GRIK5: variants seen among roughly 807,000 people sequenced by gnomAD.
The protein encoded by GRIK5 is glutamate receptor ionotropic, kainate 5.
Under a neutral mutation model 97.4 loss-of-function variants are expected in GRIK5, and 43 were observed. The observed-to-expected ratio is 0.44, with a 90% CI of 0.35 to 0.57. The LOEUF is 0.57. GRIK5 is among the 20% of genes least tolerant of loss of function. GRIK5 has a pLI of 0.01. For synonymous variants in GRIK5, 580 were observed against 583.5 expected, an observed-to-expected ratio of 0.99 and a Z score of 0.09; for missense variants, 1,015 against 1,382.0, an observed-to-expected ratio of 0.73 and a Z score of 4.21.
chr19:42,012,407 C>T (rs1373528327), intron 15 of GRIK5, among the ~76,000 whole-genome samples: 4 of 152,034 alleles, frequency 2.6e-5, no homozygotes, highest in East Asian at 1.9e-4. Flanking sequence ...CACACTGCCA[C>T]GCCTGGCTAA....
intron 11 of GRIK5, among the ~76,000 whole-genome samples, chr19:42,052,066 C>T (rs1161200348): frequency 6.6e-6 from 1 of 152,138 alleles, no homozygotes; most frequent in African/African-American, 2.4e-5. Flanking sequence ...CATATCTGTG[C>T]TTCTAGAATG....
rs2075709414 is a variant in GRIK5, at chr19:42,022,279, T to A, written c.1549A>T (p.Met517Leu). Residue 517 changes from methionine (M) to leucine (L), a missense_variant, in exon 13 of 20, where the codon ATG (methionine) becomes TTG (leucine). This residue lies in a region of GRIK5 where 477 missense variants were observed against 701.1 expected (regional missense o/e 0.68). Coordinates refer to ENST00000593562, the MANE Select transcript of GRIK5 (RefSeq NM_002088.5). The surrounding 1 kb of genome is among the most constrained non-coding windows in gnomAD (Gnocchi z 4.2). ...TAGAGGATGCTGATCCCCAGGGTCA[T>A]AAAGGGCTTGGAAAAGTCGATGACC... Reference protein sequence around the residue: ...EKVIDFSKPFMTLGISILYRV... With the variant: ...EKVIDFSKPFLTLGISILYRV... 1 of 1,613,874 alleles carries A rather than the reference T, an allele frequency of 6.2e-7. No homozygotes were observed. Among genetic ancestry groups the A allele is most frequent in the Non-Finnish European group, 8.5e-7 (1 of 1,179,882 alleles).
intron 12 of GRIK5, among the ~76,000 whole-genome samples, chr19:42,026,005 T>C (rs2075767210): frequency 6.6e-6 from 1 of 152,200 alleles, no homozygotes; most frequent in African/African-American, 2.4e-5. Context: ...TATTTTTCTT[T>C]TTAGAGACAG....
intron 11 of GRIK5, among the ~76,000 whole-genome samples, chr19:42,044,767 T>C (rs2076022274): frequency 6.6e-6 from 1 of 152,148 alleles, no homozygotes; most frequent in Non-Finnish European, 1.5e-5. Flanking sequence ...CTAGGCAACA[T>C]GGCAAAACCC....
chr19:42,063,860 T>A (rs2076292209), intron 3 of GRIK5, among the ~76,000 whole-genome samples: 2 of 152,352 alleles, frequency 1.3e-5, no homozygotes, highest in South Asian at 4.1e-4. Context: ...TAATAAGTTC[T>A]CTTTTTTCCT....
chr19:42,034,807 T>C (rs1397890303), intron 12 of GRIK5, among the ~76,000 whole-genome samples: 2 of 138,988 alleles, frequency 1.4e-5, no homozygotes, highest in African/African-American at 5.3e-5. Context: ...AACACGATAT[T>C]AATATATCAT....
chr19:42,063,640 G>A (rs1364264599), intron 3 of GRIK5: 5 of 255,882 alleles, frequency 2.0e-5, no homozygotes, highest in African/African-American at 1.1e-4. Context: ...TGGTGCTGCT[G>A]GGGCCATCTC....
rs1205590741 is a variant in GRIK5 at position 42,053,727 on chromosome 19, T to G, written c.1162-18A>C. On this transcript the variant is annotated intron_variant, in intron 10 of 19. Coordinates refer to ENST00000593562, the MANE Select transcript of GRIK5 (RefSeq NM_002088.5). ...ACCCCAATCTAGGGGGCAGAGAGGGTGCTGTCAGCTCAGGCCCTGCCTGAG... is the reference window on the plus strand; with the variant it reads ...ACCCCAATCTAGGGGGCAGAGAGGGGGCTGTCAGCTCAGGCCCTGCCTGAG... 6.4e-7 allele frequency: 1 copy of G among 1,571,654 alleles called. No homozygotes were observed.
intron 15 of GRIK5, among the ~76,000 whole-genome samples, chr19:42,009,035 T>G (rs1555873442): frequency 6.6e-6 from 1 of 151,992 alleles, no homozygotes; most frequent in African/African-American, 2.4e-5. Flanking sequence ...GAGATAAGCC[T>G]GGTCAACATA....
At position 42,049,964 on chromosome 19, in the gene GRIK5, G is replaced by A. The variant is rs116082344; in HGVS notation, c.1269+3638C>T. Among the ~76,000 whole-genome samples, 904 of 152,006 alleles carry A rather than the reference G, an allele frequency of 5.9e-3. 10 individuals carry two copies. Among genetic ancestry groups the A allele is most frequent in the African/African-American group, 0.021 (867 of 41,450 alleles). On this transcript the variant is annotated intron_variant, in intron 11 of 19. Coordinates refer to ENST00000593562, the MANE Select transcript of GRIK5 (RefSeq NM_002088.5). ...TTTATTATTATTATTTTTAGACAGG[G>A]TCTCACTCTGTCGCCCTGGCAGTGG...
At chr19:42,028,279 G>T (rs1391258303) in intron 12 of GRIK5, among the ~76,000 whole-genome samples, 1 of 147,366 alleles carries the variant, frequency 6.8e-6, no homozygotes, top group African/African-American at 2.5e-5. Flanking sequence ...TGGGGGGGGG[G>T]TGTCATCTAA....
At chr19:42,033,339 AC>A (rs1318798994) in intron 12 of GRIK5, among the ~76,000 whole-genome samples, 32 of 151,282 alleles carry the variant, frequency 2.1e-4, no homozygotes, top group Non-Finnish European at 4.3e-4. Context: ...AAAAAAAAAA[AC>A]GGAATGCAGT....
chr19:42,035,127 C>A (rs1471582637), intron 12 of GRIK5, among the ~76,000 whole-genome samples: 1 of 152,088 alleles, frequency 6.6e-6, no homozygotes, highest in African/African-American at 2.4e-5. Flanking sequence ...TACAGGCATG[C>A]GCCACCACAT....
chr19:42,012,773 G>A (rs959966279), intron 15 of GRIK5, among the ~76,000 whole-genome samples: 2 of 151,844 alleles, frequency 1.3e-5, no homozygotes, highest in African/African-American at 2.4e-5. Context: ...AGGCTGAGGT[G>A]GGAGGATTCC....
intron 1 of GRIK5, among the ~76,000 whole-genome samples, chr19:42,066,414 AAGAG>A (rs760471679): frequency 1.3e-5 from 2 of 151,634 alleles, no homozygotes; most frequent in Non-Finnish European, 2.9e-5. Flanking sequence ...GATGGAGAAA[AAGAG>A]AGAGAGGCAC....
chr19:42,069,761 C>A lies in GRIK5; in HGVS notation c.-571G>T, dbSNP rs1200219366. On this transcript the variant is annotated 5_prime_UTR_variant, in exon 1 of 20. Coordinates refer to ENST00000593562, the MANE Select transcript of GRIK5 (RefSeq NM_002088.5). ...GGAGGGGGCCGCCCCCTTTCCCCCTCCCCCCTGGAGCCTGGGCCCTGCCCT... is the reference window on the plus strand; with the variant it reads ...GGAGGGGGCCGCCCCCTTTCCCCCTACCCCCTGGAGCCTGGGCCCTGCCCT... Among the ~76,000 whole-genome samples, 1 of 151,776 alleles carries A rather than the reference C, an allele frequency of 6.6e-6. No individual in the cohort carries two copies. The highest frequency in any genetic ancestry group is 1.5e-5 in the Non-Finnish European group (1 of 67,846).
At chr19:42,058,425 C>T (rs2076215424) in intron 6 of GRIK5, among the ~76,000 whole-genome samples, 1 of 151,136 alleles carries the variant, frequency 6.6e-6, no homozygotes, top group Non-Finnish European at 1.5e-5. Flanking sequence ...TCGTGATCCG[C>T]CCGCCTCAGC....
At chr19:42,029,360 C>T (rs1045931545) in intron 12 of GRIK5, among the ~76,000 whole-genome samples, 5 of 151,936 alleles carry the variant, frequency 3.3e-5, no homozygotes, top group Non-Finnish European at 2.9e-5. Context: ...GCCACCGAGC[C>T]TGGCTGCTAC....
chr19:42,047,772 C>T (rs2076060933), intron 11 of GRIK5, among the ~76,000 whole-genome samples: 1 of 151,842 alleles, frequency 6.6e-6, no homozygotes, highest in African/African-American at 2.4e-5. Context: ...GAGTTCAAGA[C>T]CAGCCTGGCC....
Sources: gnomAD v4.1 joint callset for allele counts (sites outside exome capture counted in the v4.1 genomes callset) on GRCh38, gnomAD v4.1.1 for gene constraint, gnomAD v4.1.1 regional missense constraint, Gnocchi (gnomAD v3.1) non-coding constraint, MANE v1.5 for transcripts, NCBI Gene and HGNC (gene_info 2026-07-23, HGNC 2026-07-21) for gene names.